PARD3B: variants seen among roughly 807,000 people sequenced by gnomAD.
The protein encoded by PARD3B is par-3 family cell polarity regulator beta.
Under a neutral mutation model 130.2 loss-of-function variants are expected in PARD3B, and 103 were observed. That is an observed-to-expected ratio of 0.79 (90% CI 0.67 to 0.93). The LOEUF is 0.93. Ranked by LOEUF, PARD3B falls within the 40% of genes least tolerant of loss-of-function variation. The pLI, the probability that PARD3B is intolerant of heterozygous loss-of-function variation, is 0.00. For synonymous variants in PARD3B, 583 were observed against 553.2 expected (o/e 1.05, Z -0.76); for missense variants, 1,609 against 1,499.2 (o/e 1.07, Z -1.21).
chr2:205,172,683 G>C (rs540056217), intron 12 of PARD3B, among the ~76,000 whole-genome samples: 20 of 152,150 alleles, frequency 1.3e-4, no homozygotes, highest in Admixed American at 1.0e-3. Flanking sequence ...TATGCTAGCA[G>C]TGTCCATACC....
chr2:205,512,396 T>C (rs1332921921), intron 21 of PARD3B, among the ~76,000 whole-genome samples: 1 of 152,212 alleles, frequency 6.6e-6, no homozygotes, highest in Non-Finnish European at 1.5e-5. Flanking sequence ...GTCTCTTTTC[T>C]ACTTTCCAGA....
rs1049974148 is a variant in PARD3B at position 204,677,763 on chromosome 2, T to G, written c.121-8418T>G. Among the ~76,000 whole-genome samples the G allele has an allele frequency of 6.6e-6, 1 of 152,226 alleles. No individual in the cohort carries two copies. Among genetic ancestry groups the G allele is most frequent in the Non-Finnish European group, 1.5e-5 (1 of 68,040 alleles). On this transcript the variant is annotated intron_variant, in intron 1 of 22. Coordinates refer to ENST00000406610, the MANE Select transcript of PARD3B (RefSeq NM_001302769.2). The surrounding 1 kb of genome is among the most constrained non-coding windows in gnomAD (Gnocchi z 4.1). ...TGGTCAACTAAGCATCTCCTGGGCT[T>G]CTTAGAAATGTTGAATAACTGGTAG...
At chr2:205,057,445 T>C (rs561401631) in intron 4 of PARD3B, among the ~76,000 whole-genome samples, 1 of 139,722 alleles carries the variant, frequency 7.2e-6, no homozygotes, top group South Asian at 2.3e-4. Context: ...GTTATATACA[T>C]ATACATATAT....
intron 16 of PARD3B, among the ~76,000 whole-genome samples, chr2:205,250,940 AAAT>A (rs537891369): frequency 4.8e-4 from 73 of 152,216 alleles, no homozygotes; most frequent in African/African-American, 1.5e-3. Context: ...AAAAAATAAA[AAAT>A]AAAAAAATAA....
At position 205,309,498 on chromosome 2, in the gene PARD3B, T is replaced by C. The variant is rs1259775699; in HGVS notation, c.2630+7797T>C. Among the ~76,000 whole-genome samples the C allele has an allele frequency of 2.6e-5, 4 of 152,180 alleles. No individual in the cohort carries two copies. Among genetic ancestry groups the C allele is most frequent in the Admixed American group, 6.5e-5 (1 of 15,268 alleles). On this transcript the variant is annotated intron_variant, in intron 18 of 22. Transcript: ENST00000406610. This position sits in a 1 kb window ranked among gnomAD's most constrained non-coding sequence, Gnocchi z 4.7. ...CTTCATTTTATTCTAAAATATACTA[T>C]CTATTTTATTTAAACTAGGGGAATT...
At chr2:205,614,931 A>T (rs1300275487) in intron 22 of PARD3B, among the ~76,000 whole-genome samples, 6 of 152,130 alleles carry the variant, frequency 3.9e-5, no homozygotes, top group Admixed American at 3.9e-4. Context: ...AATAACCTGA[A>T]CATTTCTATC....
At position 205,615,491 on chromosome 2, in the gene PARD3B, C is replaced by T; in HGVS notation, c.3296C>T (p.Ala1099Val). ...GCAGATCCTGTAGACTATCTGCCAG[C>T]AGCACCTCGGGGGCTCTACAAGGAA... ...GPADPVDYLP[A>V]APRGLYKERE... is the part of the protein sequence containing the mutation. Residue 1099 changes from alanine (A) to valine (V), a missense_variant, in exon 23 of 23, where the codon GCA becomes GTA. Transcript: ENST00000406610. 1 of 1,611,312 alleles carries T rather than the reference C, an allele frequency of 6.2e-7. No homozygotes were observed. The highest frequency in any genetic ancestry group is 1.1e-5 in the South Asian group (1 of 90,654).
chr2:205,094,968 C>G (rs1702315235), intron 4 of PARD3B, among the ~76,000 whole-genome samples: 1 of 152,066 alleles, frequency 6.6e-6, no homozygotes, highest in Admixed American at 6.6e-5. Flanking sequence ...ACAAATGAAG[C>G]CCTAGTACCA....
At chr2:204,746,896 G>T (rs557583393) in intron 2 of PARD3B, among the ~76,000 whole-genome samples, 1 of 152,126 alleles carries the variant, frequency 6.6e-6, no homozygotes, top group Non-Finnish European at 1.5e-5. Flanking sequence ...CAGATGAGTA[G>T]ATTGCAAAAG....
chr2:205,410,081 G>A (rs1227252663), intron 19 of PARD3B, among the ~76,000 whole-genome samples: 2 of 152,120 alleles, frequency 1.3e-5, no homozygotes, highest in Non-Finnish European at 2.9e-5. Context: ...CAAAATGCTT[G>A]GAACCAGAAG....
intron 19 of PARD3B, among the ~76,000 whole-genome samples, chr2:205,402,628 T>C (rs1215949969): frequency 6.6e-6 from 1 of 152,214 alleles, no homozygotes; most frequent in Non-Finnish European, 1.5e-5. Flanking sequence ...TTCATTTCCT[T>C]TCTGGTTTTG....
chr2:205,523,360 C>T (rs2051177565), intron 21 of PARD3B, among the ~76,000 whole-genome samples: 1 of 151,394 alleles, frequency 6.6e-6, no homozygotes, highest in African/African-American at 2.4e-5. Flanking sequence ...TTCTTTGCCT[C>T]GGCCTCCTGA....
At chr2:205,410,708 G>A (rs1409918700) in intron 19 of PARD3B, among the ~76,000 whole-genome samples, 5 of 152,062 alleles carry the variant, frequency 3.3e-5, no homozygotes, top group African/African-American at 1.2e-4. Context: ...TCAAACTTCT[G>A]TAAATCAAAT....
At chr2:204,787,270 G>T (rs1355983638) in intron 2 of PARD3B, among the ~76,000 whole-genome samples, 1 of 152,024 alleles carries the variant, frequency 6.6e-6, no homozygotes, top group East Asian at 1.9e-4. Context: ...CTGATATTCT[G>T]TTTCATGGTT....
At chr2:204,558,035 C>T (rs2031042217) in intron 1 of PARD3B, 1 of 152,174 alleles carries the variant, frequency 6.6e-6, no homozygotes, top group Non-Finnish European at 1.5e-5. Context: ...CATGATATCT[C>T]TGTCTTAGGA....
At chr2:204,596,944 GTCTCTC>G (rs1207065764) in intron 1 of PARD3B, among the ~76,000 whole-genome samples, 2 of 149,802 alleles carry the variant, frequency 1.3e-5, no homozygotes, top group African/African-American at 4.9e-5. Flanking sequence ...CTCTCTATCT[GTCTCTC>G]TCTCTCTCTC....
At chr2:204,557,765 A>G (rs2031024428) in intron 1 of PARD3B, among the ~76,000 whole-genome samples, 1 of 152,228 alleles carries the variant, frequency 6.6e-6, no homozygotes, top group Non-Finnish European at 1.5e-5. Flanking sequence ...TTAGTGGTCC[A>G]TTATATCTGC....
chr2:204,827,300 C>T (rs898613038), intron 2 of PARD3B, among the ~76,000 whole-genome samples: 3 of 152,066 alleles, frequency 2.0e-5, no homozygotes, highest in Non-Finnish European at 4.4e-5. Flanking sequence ...GATAGAAATG[C>T]ATGAAATTAC....
At chr2:205,140,391 T>G (rs1317341446) in intron 10 of PARD3B, among the ~76,000 whole-genome samples, 1 of 144,660 alleles carries the variant, frequency 6.9e-6, no homozygotes, top group Non-Finnish European at 1.5e-5. Context: ...GAAAGTGTGG[T>G]CCCAGGGGAG....
Sources: allele counts gnomAD v4.1 joint callset (sites outside exome capture counted in the v4.1 genomes callset), GRCh38; gene constraint gnomAD v4.1.1; non-coding constraint Gnocchi (gnomAD v3.1); transcripts MANE v1.5; gene names NCBI Gene and HGNC (gene_info 2026-07-23, HGNC 2026-07-21).